Variants in DMC1 observed in about 807,000 individuals in gnomAD.
DMC1 encodes the protein meiotic recombination protein DMC1 homolog.
A neutral mutation model predicts 50.1 loss-of-function variants in DMC1; 27 were observed. The ratio of observed to expected loss-of-function variants is 0.54; its 90% confidence interval spans 0.40 to 0.74. DMC1 has a LOEUF of 0.74. Among genes scored for constraint, DMC1 ranks in the 30% least tolerant of loss-of-function variants. The pLI, the probability that DMC1 is intolerant of heterozygous loss-of-function variation, is 0.00. For missense variants in DMC1, 295 were observed against 420.2 expected (o/e 0.70, Z 2.60); for synonymous variants, 148 against 136.1 (o/e 1.09, Z -0.61).
At position 38,539,391 on chromosome 22, in the gene DMC1, G is replaced by A; in HGVS notation, c.516C>T (p.Asp172=). 6.2e-7 allele frequency: 1 copy of A among 1,613,994 alleles called. No individual in the cohort carries two copies. Among genetic ancestry groups the A allele is most frequent in the South Asian group, 1.1e-5 (1 of 91,084 alleles). The part of the protein sequence containing the change: ...ENTFRPDRLR[D]IADRFNVDHD... ...GGTCTACATTAAAGCGATCAGCAAT[G>A]TCCCTAAGGCGATCTGGACGGCTGG... The change falls in exon 9 of 14, where the codon GAC becomes GAT. Residue 172 remains aspartate, a synonymous_variant. Coordinates refer to ENST00000216024, the MANE Select transcript of DMC1 (RefSeq NM_007068.4).
intron 12 of DMC1, among the ~76,000 whole-genome samples, chr22:38,528,215 T>C (rs1462745196): frequency 6.6e-6 from 1 of 151,602 alleles, no homozygotes; most frequent in Non-Finnish European, 1.5e-5. Context: ...GTGTGCGCCA[T>C]CACACTCAGC....
chr22:38,536,614 CTTTT>C (rs968547223), intron 12 of DMC1, among the ~76,000 whole-genome samples: 1 of 152,184 alleles, frequency 6.6e-6, no homozygotes, highest in East Asian at 1.9e-4. Context: ...AGAAAGATGA[CTTTT>C]TTGTTTTTAT....
chr22:38,552,583 T>G, intron 7 of DMC1, 83 bp downstream of exon 7: 1 of 1,009,562 alleles, frequency 9.9e-7, no homozygotes. Flanking sequence ...AGATATGAGA[T>G]TATTTAGAGT....
At chr22:38,537,682 T>A in intron 11 of DMC1, 30 bp from the exon 12 acceptor site, 3 of 1,550,136 alleles carry the variant, frequency 1.9e-6, no homozygotes, top group Non-Finnish European at 2.7e-6. Context: ...TTTAAAACTA[T>A]GAGAAAGGCA....
At chr22:38,561,225 T>G (rs189810074) in intron 5 of DMC1, among the ~76,000 whole-genome samples, 238 of 151,810 alleles carry the variant, frequency 1.6e-3, no homozygotes, top group African/African-American at 5.5e-3. Context: ...GCCGTTAGGA[T>G]GATCTCAAGA....
At chr22:38,539,262 G>T in intron 9 of DMC1, 59 bp downstream of exon 9, 1 of 1,216,004 alleles carries the variant, frequency 8.2e-7, no homozygotes, top group Non-Finnish European at 1.2e-6. Context: ...CCCTCAAGTA[G>T]TAAATCAGTG....
intron 8 of DMC1, among the ~76,000 whole-genome samples, chr22:38,548,584 A>C (rs1371361285): frequency 6.6e-6 from 1 of 152,296 alleles, no homozygotes; most frequent in East Asian, 1.9e-4. Context: ...AAAAGAAGAA[A>C]AAAATTAGGC....
chr22:38,540,249 T>G (rs912334940), intron 8 of DMC1, among the ~76,000 whole-genome samples: 6 of 152,210 alleles, frequency 3.9e-5, no homozygotes, highest in Non-Finnish European at 8.8e-5. Context: ...TTTCACCATG[T>G]TGGCCAGGCT....
At chr22:38,546,258 C>T (rs1360967156) in intron 8 of DMC1, 4 of 148,818 alleles carry the variant, frequency 2.7e-5, no homozygotes, top group Non-Finnish European at 5.9e-5. Flanking sequence ...GGTGTGGTGG[C>T]ATGCACCTGT....
rs1452228612 is a variant in DMC1, at chr22:38,567,603, G to C, written c.76C>G (p.Leu26Val). 8.1e-6 allele frequency: 13 copies of C among 1,610,110 alleles called. No individual in the cohort carries two copies. Among genetic ancestry groups the C allele is most frequent in the Non-Finnish European group, 1.1e-5 (13 of 1,176,402 alleles). The change falls in exon 3 of 14, where the codon CTG becomes GTG. Residue 26 changes from leucine to valine, a missense_variant. Coordinates refer to ENST00000216024, the MANE Select transcript of DMC1 (RefSeq NM_007068.4). ...CTTACAATTCCATGTTTCTGTAACA[G>C]GTCAATATCTTGAAACAAAGATTCC... Reference protein sequence around the residue: ...EEESLFQDIDLLQKHGINVAD... With the variant: ...EEESLFQDIDVLQKHGINVAD...
intron 12 of DMC1, among the ~76,000 whole-genome samples, chr22:38,524,655 C>T (rs1424885789): frequency 2.0e-5 from 3 of 152,056 alleles, no homozygotes; most frequent in Non-Finnish European, 4.4e-5. Context: ...AGCTCCTTTC[C>T]CCACCGTGTC....
chr22:38,521,582 CACACACAA>C lies in DMC1; in HGVS notation c.953+18_953+25del, dbSNP rs763537229. 3.0e-6 allele frequency: 4 copies of C among 1,326,742 alleles called. No individual in the cohort carries two copies. The highest frequency in any genetic ancestry group is 1.6e-5 in the African/African-American group (1 of 64,306). The allele number at this position is 1,326,742 out of a possible 1,614,324, so 82.2% of individuals were successfully genotyped here. A position where few individuals can be genotyped will look rare whatever the true frequency, so the allele number is the denominator to read the frequency against. ...ACACACACACACACACACACACACA[CACACACAA>C]AATAAAAAAAAATTTACCTGTCATA... is the stretch of plus-strand genomic sequence containing the variant. On this transcript the variant is annotated intron_variant, in intron 13 of 13. Coordinates refer to ENST00000216024, the MANE Select transcript of DMC1 (RefSeq NM_007068.4).
intron 5 of DMC1, among the ~76,000 whole-genome samples, chr22:38,562,030 A>T (rs1489306552): frequency 6.6e-6 from 1 of 152,236 alleles, no homozygotes; most frequent in African/African-American, 2.4e-5. Context: ...ACTGATTTTT[A>T]AAAGTGGTTT....
chr22:38,536,775 T>C (rs1424237123), intron 12 of DMC1, among the ~76,000 whole-genome samples: 1 of 152,202 alleles, frequency 6.6e-6, no homozygotes, highest in Non-Finnish European at 1.5e-5. Flanking sequence ...TGCTTTATTC[T>C]ATAAAGAACT....
chr22:38,555,306 A>G (rs372210124), intron 6 of DMC1, 51 bp downstream of exon 6: 292 of 1,124,400 alleles, frequency 2.6e-4, no homozygotes, highest in Middle Eastern at 9.8e-4. Flanking sequence ...ATAGATGTGT[A>G]TGTGTGTGTG....
At chr22:38,509,355 C>G in the DMC1 span, among the ~76,000 whole-genome samples, 40 of 152,120 alleles carry the variant, frequency 2.6e-4, no homozygotes, top group Non-Finnish European at 4.3e-4. Flanking sequence ...GTTGTTCCCC[C>G]GCTCCATGTG....
At position 38,543,829 on chromosome 22, in the gene DMC1, C is replaced by T. The variant is rs563943912; in HGVS notation, c.495-4417G>A. On this transcript the variant is annotated intron_variant, in intron 8 of 13. Transcript: ENST00000216024. ...CTTTAGTCACCTGTTCCTAACCATC[C>T]TTCCTGCCAAACTACTCACTCCACC... 3.3e-5 allele frequency among the ~76,000 whole-genome samples: 5 copies of T among 152,224 alleles called. No homozygotes were observed. In the South Asian group the frequency reaches 1.0e-3, roughly 32 times the overall value.
At chr22:38,542,018 TAA>T (rs61612851) in intron 8 of DMC1, among the ~76,000 whole-genome samples, 4 of 140,858 alleles carry the variant, frequency 2.8e-5, no homozygotes, top group African/African-American at 1.0e-4. Context: ...TCATTTATGA[TAA>T]AAAAAAAACC....
downstream of DMC1, among the ~76,000 whole-genome samples, chr22:38,517,794 G>A (rs2089986286): frequency 6.6e-6 from 1 of 152,126 alleles, no homozygotes; most frequent in Non-Finnish European, 1.5e-5. Flanking sequence ...CTTATTCAGG[G>A]AAGCAGCTTC....
Sources: gnomAD v4.1 joint callset for allele counts (sites outside exome capture counted in the v4.1 genomes callset) on GRCh38, gnomAD v4.1.1 for gene constraint, MANE v1.5 for transcripts, NCBI Gene and HGNC (gene_info 2026-07-23, HGNC 2026-07-21) for gene names.